The following AP1B1 variants were observed in gnomAD, a reference collection of about 807,000 sequenced individuals.
AP1B1 encodes the protein adaptor related protein complex 1 subunit beta 1, also known as AP-1 complex subunit beta-1.
Under a neutral mutation model 104.3 loss-of-function variants are expected in AP1B1, and 36 were observed. The observed-to-expected ratio is 0.35, with a 90% confidence interval of 0.26 to 0.46. The LOEUF (loss-of-function observed/expected upper bound fraction) is 0.46. Among genes scored for constraint, AP1B1 ranks in the 20% least tolerant of loss-of-function variants. The pLI is 1.00. For missense variants in AP1B1, 901 were observed against 1,247.9 expected (o/e 0.72, Z 4.19); for synonymous variants, 504 against 517.5 (o/e 0.97, Z 0.35).
In AP1B1 at chr22:29,334,346, C is replaced by T. The variant is rs958600271; in HGVS notation, c.2228G>A (p.Gly743Asp). The stretch of plus-strand genomic sequence containing the variant: ...CAGCTGCAGGTCCATGGAGATGGAG[C>T]CCACCTGGCGGGTGAAGGTGCCTGA... ...EISGTFTRQV[G>D]SISMDLQLTN... Residue 743 changes from glycine to aspartate, a missense_variant, in exon 17 of 23, where the codon GGC (glycine) becomes GAC (aspartate). Physicochemically the swap from Gly to Asp is moderately conservative, Grantham distance 94. Coordinates refer to ENST00000357586, the MANE Select transcript of AP1B1 (RefSeq NM_001127.4). 1.9e-6 allele frequency: 3 copies of T among 1,611,204 alleles called. No individual in the cohort carries two copies. Among genetic ancestry groups the T allele is most frequent in the Non-Finnish European group, 2.5e-6 (3 of 1,179,080 alleles).
intron 1 of AP1B1, among the ~76,000 whole-genome samples, chr22:29,372,644 T>C (rs758907040): frequency 1.8e-4 from 27 of 152,196 alleles, no homozygotes; most frequent in Non-Finnish European, 2.8e-4. Flanking sequence ...AACATTTCCA[T>C]CTAAAGACTT....
intron 2 of AP1B1, among the ~76,000 whole-genome samples, chr22:29,366,445 T>C (rs1299809837): frequency 6.6e-6 from 1 of 152,154 alleles, no homozygotes; most frequent in East Asian, 1.9e-4. Context: ...CAGACCAGCC[T>C]GACCAACATG....
At chr22:29,356,743 C>A in intron 5 of AP1B1, 127 bp from the exon 6 acceptor site, 1 of 906,658 alleles carries the variant, frequency 1.1e-6, no homozygotes. Flanking sequence ...TGGGCAGGGT[C>A]TGGAGCTGCA....
chr22:29,349,169 G>A, intron 11 of AP1B1, 49 bp downstream of exon 11: 1 of 1,598,910 alleles, frequency 6.3e-7, no homozygotes, highest in Non-Finnish European at 8.5e-7. Flanking sequence ...GCCACAGTGG[G>A]GCTGAGCTGC....
chr22:29,331,949 G>A, intron 17 of AP1B1, 33 bp from the exon 18 acceptor site: 1 of 1,587,662 alleles, frequency 6.3e-7, no homozygotes. Flanking sequence ...GGGATGGCAG[G>A]GGGAGTAGGT....
chr22:29,354,870 T>C lies in AP1B1; in HGVS notation c.718A>G (p.Ile240Val). The C allele has an allele frequency of 1.2e-6, 2 of 1,613,830 alleles. No individual in the cohort carries two copies. Among genetic ancestry groups the C allele is most frequent in the Non-Finnish European group, 1.7e-6 (2 of 1,179,794 alleles). ...MPKDDREAQS[I>V]CERVTPRLSH... ...AGCCTGGGGGTGACCCGCTCACAGA[T>C]GCTGGGGTCCGTCCATTCCAACGGG... Residue 240 changes from isoleucine (I) to valine (V), a missense_variant and splice_region_variant, in exon 7 of 23, where the codon ATC (isoleucine) becomes GTC (valine). Coordinates refer to ENST00000357586, the MANE Select transcript of AP1B1 (RefSeq NM_001127.4).
chr22:29,360,726 G>A lies in AP1B1; in HGVS notation c.144-767C>T, dbSNP rs764264392. Among the ~76,000 whole-genome samples the A allele has an allele frequency of 2.5e-3, 374 of 151,952 alleles. 2 individuals are homozygous for A. The highest frequency in any genetic ancestry group is 3.7e-3 in the Non-Finnish European group (251 of 67,946). On this transcript the variant is annotated intron_variant, in intron 3 of 22. Coordinates refer to ENST00000357586, the MANE Select transcript of AP1B1 (RefSeq NM_001127.4). ...GGAATCAGGTCTGAGAACAAGGTCCGTGCTCATGACCACTGGGTGGAACCC... is the reference window on the plus strand; with the variant it reads ...GGAATCAGGTCTGAGAACAAGGTCCATGCTCATGACCACTGGGTGGAACCC...
In AP1B1 at chr22:29,340,698, C is replaced by G. The variant is rs761399528; in HGVS notation, c.1956G>C (p.Gln652His). The G allele has an allele frequency of 6.3e-7, 1 of 1,583,550 alleles. No homozygotes were observed. Among genetic ancestry groups the G allele is most frequent in the South Asian group, 1.2e-5 (1 of 86,378 alleles). ...SGPPLATSSVQMGAVDLLGGG... is the reference protein window; with the variant it reads ...SGPPLATSSVHMGAVDLLGGG... ...CGCCAAGAAGGTCCACAGCTCCCAT[C>G]TGCACCGAGGAGGTGGCCAGGGGTG... Residue 652 changes from glutamine to histidine, a missense_variant, in exon 14 of 23, where the codon CAG (glutamine) becomes CAC (histidine). Physicochemically the swap from Gln to His is conservative, Grantham distance 24. Coordinates refer to ENST00000357586, the MANE Select transcript of AP1B1 (RefSeq NM_001127.4).
At chr22:29,335,183 A>G (rs957182890) in intron 16 of AP1B1, among the ~76,000 whole-genome samples, 3 of 152,108 alleles carry the variant, frequency 2.0e-5, no homozygotes, top group African/African-American at 4.8e-5. Flanking sequence ...TTGCTGAGCA[A>G]ACAGGATGAG....
At chr22:29,329,582 T>C (rs1299274916) in intron 22 of AP1B1, 130 bp downstream of exon 22, 2 of 1,537,906 alleles carry the variant, frequency 1.3e-6, no homozygotes, top group East Asian at 4.6e-5. Flanking sequence ...CAGGGCCACC[T>C]GGCTGAAGCC....
At chr22:29,347,555 T>C (rs1010435757) in intron 11 of AP1B1, among the ~76,000 whole-genome samples, 2 of 152,170 alleles carry the variant, frequency 1.3e-5, no homozygotes, top group Admixed American at 1.3e-4. Context: ...ACAACCCCAG[T>C]TGGGCAGCAA....
Position 29,351,200 on chromosome 22 carries a change from CA to C in AP1B1, c.1125del (p.Ala376LeufsTer17). 6.2e-7 allele frequency: 1 copy of C among 1,613,840 alleles called. No individual in the cohort carries two copies. The highest frequency in any genetic ancestry group is 8.5e-7 in the Non-Finnish European group (1 of 1,179,746). ...VDVDFVRKAV[R>X]AIGRCAIKVE... The stretch of plus-strand genomic sequence containing the variant: ...ACCTTGATGGCGCAGCGGCCAATAG[CA>C]CGCACAGCCTTCCGTACAAAGTCCA... On this transcript the variant is annotated frameshift_variant, in exon 9 of 23. Transcript: ENST00000357586. LOFTEE classifies it high-confidence loss of function.
chr22:29,344,665 C>T (rs747337584), intron 11 of AP1B1, among the ~76,000 whole-genome samples: 3 of 151,848 alleles, frequency 2.0e-5, no homozygotes, highest in Non-Finnish European at 2.9e-5. Context: ...GCTAGGATTA[C>T]AGGCACACAC....
At chr22:29,364,325 G>A (rs557621799) in intron 2 of AP1B1, among the ~76,000 whole-genome samples, 1 of 152,354 alleles carries the variant, frequency 6.6e-6, no homozygotes, top group South Asian at 2.1e-4. Context: ...AAAAACAAAT[G>A]AGGAAGCAGG....
intron 3 of AP1B1, among the ~76,000 whole-genome samples, chr22:29,360,621 T>G (rs1202249958): frequency 2.0e-5 from 3 of 152,140 alleles, no homozygotes; most frequent in Non-Finnish European, 4.4e-5. Context: ...TTGATCTCAT[T>G]TAACTGCCCT....
intron 1 of AP1B1, among the ~76,000 whole-genome samples, chr22:29,381,842 A>T (rs973073830): frequency 4.0e-5 from 6 of 151,738 alleles, no homozygotes; most frequent in Non-Finnish European, 4.4e-5. Flanking sequence ...CTCCAGGCCC[A>T]CATGCCTTCT....
chr22:29,352,877 T>TGTGAGA (rs2061898418), intron 7 of AP1B1, among the ~76,000 whole-genome samples: 1 of 152,208 alleles, frequency 6.6e-6, no homozygotes, highest in Non-Finnish European at 1.5e-5. Context: ...ATCGGCCTGC[T>TGTGAGA]GTGAGAGTGA....
intron 2 of AP1B1, among the ~76,000 whole-genome samples, chr22:29,366,783 G>A (rs985766310): frequency 2.0e-5 from 3 of 150,810 alleles, no homozygotes; most frequent in African/African-American, 7.3e-5. Flanking sequence ...TGGGTGACAT[G>A]AGTGAAACTC....
chr22:29,369,351 A>G (rs2062194348), intron 1 of AP1B1, among the ~76,000 whole-genome samples: 1 of 152,218 alleles, frequency 6.6e-6, no homozygotes, highest in African/African-American at 2.4e-5. Flanking sequence ...GGAAACAAAT[A>G]CGTACTGTCT....
Sources: gnomAD v4.1 joint callset for allele counts (sites outside exome capture counted in the v4.1 genomes callset) on GRCh38, gnomAD v4.1.1 for gene constraint, MANE v1.5 for transcripts, NCBI Gene and HGNC (gene_info 2026-07-23, HGNC 2026-07-21) for gene names.